The following ZPLD1 variants were observed in gnomAD, a reference collection of about 807,000 sequenced individuals.
ZPLD1 encodes zona pellucida like domain containing 1, also known as zona pellucida-like domain-containing protein 1.
ZPLD1 carries 34 observed loss-of-function variants against 47.2 expected under a neutral mutation model. The observed-to-expected ratio is 0.72, with a 90% CI of 0.55 to 0.96. The LOEUF (loss-of-function observed/expected upper bound fraction) is 0.96. Among genes scored for constraint, ZPLD1 ranks in the 40% least tolerant of loss-of-function variants. The probability of loss-of-function intolerance (pLI) is 0.00; values close to 1 mark genes in which losing one functional copy is unlikely to be tolerated. For synonymous variants in ZPLD1, 176 were observed against 186.2 expected, an observed-to-expected ratio of 0.95 and a Z score of 0.45; for missense variants, 512 against 505.8, an observed-to-expected ratio of 1.01 and a Z score of -0.12.
chr3:102,392,286 T>C (rs1163083949), intron 7 of ZPLD1: 1 of 152,192 alleles, frequency 6.6e-6, no homozygotes, highest in Non-Finnish European at 1.5e-5. Flanking sequence ...ACCACCACTG[T>C]GTTAATACAT....
intron 1 of ZPLD1, among the ~76,000 whole-genome samples, chr3:102,436,525 CAG>C (rs1397317309): frequency 6.6e-6 from 1 of 152,036 alleles, no homozygotes; most frequent in Non-Finnish European, 1.5e-5. Flanking sequence ...AATTTAATAA[CAG>C]ATGAAATTTA....
At chr3:102,407,440 T>TAC (rs1391758639) in intron 7 of ZPLD1, among the ~76,000 whole-genome samples, 134 of 96,412 alleles carry the variant, frequency 1.4e-3, no homozygotes, top group Non-Finnish European at 1.9e-3. Context: ...TATATATATA[T>TAC]ATACACACAT....
At chr3:102,439,789 C>T (rs1326166847) in intron 3 of ZPLD1, among the ~76,000 whole-genome samples, 1 of 152,132 alleles carries the variant, frequency 6.6e-6, no homozygotes, top group Non-Finnish European at 1.5e-5. Flanking sequence ...AATCATTATC[C>T]TTTACGTATA....
At chr3:102,401,328 G>T (rs1044646773) in intron 7 of ZPLD1, among the ~76,000 whole-genome samples, 21 of 152,170 alleles carry the variant, frequency 1.4e-4, no homozygotes, top group African/African-American at 5.1e-4. Flanking sequence ...AGTCCTTACT[G>T]ATATTTTCGT....
At chr3:102,407,381 C>T (rs1289671527) in intron 7 of ZPLD1, among the ~76,000 whole-genome samples, 1 of 81,182 alleles carries the variant, frequency 1.2e-5, no homozygotes, top group Non-Finnish European at 2.3e-5. Context: ...TTATAGAAGC[C>T]TTGATTTTCA....
chr3:102,445,694 T>A (rs1486939756), intron 3 of ZPLD1, among the ~76,000 whole-genome samples: 1 of 152,204 alleles, frequency 6.6e-6, no homozygotes. Context: ...ATGGTACCCA[T>A]GATAGTCTGC....
intron 8 of ZPLD1, among the ~76,000 whole-genome samples, chr3:102,423,822 C>G (rs1490285517): frequency 6.6e-6 from 1 of 152,074 alleles, no homozygotes; most frequent in Non-Finnish European, 1.5e-5. Context: ...CTGCTCAGCT[C>G]TGTAATTGAT....
intron 8 of ZPLD1, 42 bp downstream of exon 8, chr3:102,464,293 C>A: frequency 7.5e-7 from 1 of 1,327,428 alleles, no homozygotes; most frequent in Non-Finnish European, 1.1e-6. Flanking sequence ...TACCAATGAC[C>A]CAGTTGTAGA....
intron 6 of ZPLD1, among the ~76,000 whole-genome samples, chr3:102,390,610 C>T (rs1232613861): frequency 2.6e-5 from 4 of 151,108 alleles, no homozygotes; most frequent in African/African-American, 9.9e-5. Context: ...CAGAGAAAAT[C>T]AAATCAAAGC....
chr3:102,451,779 A>G (rs1235926091), intron 3 of ZPLD1, among the ~76,000 whole-genome samples: 1 of 152,004 alleles, frequency 6.6e-6, no homozygotes, highest in African/African-American at 2.4e-5. Context: ...CTGCCTTCTC[A>G]TGGTTTCTCC....
intron 7 of ZPLD1, among the ~76,000 whole-genome samples, chr3:102,394,525 C>G (rs1172282912): frequency 6.7e-6 from 1 of 150,034 alleles, no homozygotes; most frequent in Non-Finnish European, 1.5e-5. Context: ...TGTTTCCTTC[C>G]TTTATTTAAA....
intron 3 of ZPLD1, among the ~76,000 whole-genome samples, chr3:102,440,423 AG>A (rs1199173254): frequency 1.3e-5 from 2 of 152,196 alleles, no homozygotes; most frequent in Non-Finnish European, 2.9e-5. Context: ...AGAAGATTAA[AG>A]GATGTTTTTA....
chr3:102,449,274 A>G (rs533865888), intron 3 of ZPLD1, among the ~76,000 whole-genome samples: 10 of 152,334 alleles, frequency 6.6e-5, no homozygotes, highest in Admixed American at 6.5e-4. Flanking sequence ...TGGTCTGGGC[A>G]AAGCCGGCCT....
chr3:102,402,003 AG>A (rs1706624854), intron 7 of ZPLD1, among the ~76,000 whole-genome samples: 2 of 152,060 alleles, frequency 1.3e-5, no homozygotes, highest in South Asian at 4.1e-4. Context: ...TTGTAAGTAA[AG>A]GCATTTTTTT....
intron 6 of ZPLD1, among the ~76,000 whole-genome samples, chr3:102,461,537 C>T (rs1203709731): frequency 6.6e-6 from 1 of 151,924 alleles, no homozygotes; most frequent in African/African-American, 2.4e-5. Flanking sequence ...GTGCAGGAAC[C>T]ATATGGCATG....
At chr3:102,447,417 A>G (rs911479370) in intron 3 of ZPLD1, among the ~76,000 whole-genome samples, 5 of 152,286 alleles carry the variant, frequency 3.3e-5, no homozygotes, top group African/African-American at 9.6e-5. Flanking sequence ...TTCGTTTCAT[A>G]CAGATGTTTA....
At chr3:102,452,891 G>A in intron 3 of ZPLD1, 28 bp from the exon 4 acceptor site, 1 of 1,606,032 alleles carries the variant, frequency 6.2e-7, no homozygotes, top group Non-Finnish European at 8.5e-7. Flanking sequence ...TCTGACTTAT[G>A]TTTGTTTTTT....
At chr3:102,420,197 A>G (rs1473016168) in intron 8 of ZPLD1, among the ~76,000 whole-genome samples, 1 of 151,982 alleles carries the variant, frequency 6.6e-6, no homozygotes, top group African/African-American at 2.4e-5. Flanking sequence ...CAGCTGATCA[A>G]TTCCACCAGT....
intron 7 of ZPLD1, among the ~76,000 whole-genome samples, chr3:102,407,557 C>T (rs1706704832): frequency 6.7e-6 from 1 of 149,878 alleles, no homozygotes; most frequent in African/African-American, 2.4e-5. Flanking sequence ...ATTCAGTTCT[C>T]AAAAAATTTC....
Sources: allele counts gnomAD v4.1 joint callset (sites outside exome capture counted in the v4.1 genomes callset), GRCh38; gene constraint gnomAD v4.1.1; transcripts MANE v1.5; gene names NCBI Gene and HGNC (gene_info 2026-07-23, HGNC 2026-07-21).